Variants in CCDC30 observed in about 807,000 individuals in gnomAD.
CCDC30 encodes coiled-coil domain-containing protein 30.
CCDC30 carries 70 observed loss-of-function variants against 100.2 expected under a neutral mutation model. That is an observed-to-expected ratio of 0.70 (90% CI 0.58 to 0.85). CCDC30 has a LOEUF of 0.85. Among genes scored for constraint, CCDC30 ranks in the 40% least tolerant of loss-of-function variants. The probability of loss-of-function intolerance (pLI) is 0.00; values close to 1 mark genes in which losing one functional copy is unlikely to be tolerated. For missense variants in CCDC30, 652 were observed against 771.2 expected (o/e 0.85, Z 1.83); for synonymous variants, 233 against 269.5 (o/e 0.86, Z 1.33).
chr1:42,518,353 GT>G (rs992383827), intron 6 of CCDC30, among the ~76,000 whole-genome samples: 8 of 152,006 alleles, frequency 5.3e-5, no homozygotes, highest in South Asian at 2.1e-4. Context: ...GCTCTAAGAA[GT>G]TTTTTTGGTG....
intron 8 of CCDC30, among the ~76,000 whole-genome samples, chr1:42,578,937 G>A (rs1409781799): frequency 4.6e-5 from 7 of 152,164 alleles, no homozygotes; most frequent in Non-Finnish European, 1.0e-4. Flanking sequence ...AGGCTACTCT[G>A]CCTATGGGGT....
intron 6 of CCDC30, among the ~76,000 whole-genome samples, chr1:42,552,824 G>A (rs1024903910): frequency 5.3e-5 from 8 of 152,022 alleles, no homozygotes; most frequent in Non-Finnish European, 1.2e-4. Flanking sequence ...CTCTGACACC[G>A]CCCCAGTGGA....
chr1:42,500,062 G>A (rs1393275959), intron 6 of CCDC30: 10 of 810,852 alleles, frequency 1.2e-5, no homozygotes, highest in Admixed American at 7.4e-5. Context: ...GTTGTCAGTA[G>A]TTCTTTGATG....
Position 42,547,833 on chromosome 1 carries a change from G to A in CCDC30, c.457-18463G>A, listed in dbSNP as rs74831982. 1.0e-3 allele frequency among the ~76,000 whole-genome samples: 154 copies of A among 152,258 alleles called. 3 individuals are homozygous for A. The East Asian group carries it at 0.027, about 27-fold the overall frequency. On this transcript the variant is annotated intron_variant, in intron 6 of 16. Transcript: ENST00000668663. The stretch of plus-strand genomic sequence containing the variant: ...GTGTCAGGCACTGTAGGGAGGTACC[G>A]AAGATGTAAAATAAGACACAGTTTC...
chr1:42,458,737 G>T (rs920950249), upstream of CCDC30, among the ~76,000 whole-genome samples: 1 of 152,114 alleles, frequency 6.6e-6, no homozygotes, highest in Middle Eastern at 3.2e-3. Flanking sequence ...ACAGTTTTTA[G>T]TTCTATCTTG....
chr1:42,554,319 C>T (rs1250789310), intron 6 of CCDC30, among the ~76,000 whole-genome samples: 27 of 145,216 alleles, frequency 1.9e-4, no homozygotes, highest in African/African-American at 6.5e-4. Flanking sequence ...CCTCTGTCAT[C>T]CAGGCTGGAG....
chr1:42,546,399 AATATATATATATAT>A (rs66804938), intron 6 of CCDC30, among the ~76,000 whole-genome samples: 11 of 11,970 alleles, frequency 9.2e-4, no homozygotes, highest in South Asian at 2.6e-3. Flanking sequence ...AAAAAAAAAA[AATATATATATATAT>A]ATATATATAT....
At chr1:42,623,231 T>TC (rs1329583878) in intron 11 of CCDC30, among the ~76,000 whole-genome samples, 4 of 152,186 alleles carry the variant, frequency 2.6e-5, no homozygotes, top group African/African-American at 9.7e-5. Flanking sequence ...AGATTTTTTT[T>TC]AACTTGATGT....
At chr1:42,525,013 T>C (rs1440104187) in intron 6 of CCDC30, among the ~76,000 whole-genome samples, 1 of 152,246 alleles carries the variant, frequency 6.6e-6, no homozygotes, top group East Asian at 1.9e-4. Flanking sequence ...CTTGCTTTCA[T>C]AGTTTTTGAC....
intron 11 of CCDC30, among the ~76,000 whole-genome samples, chr1:42,629,849 C>T (rs922054698): frequency 1.3e-5 from 2 of 151,882 alleles, no homozygotes; most frequent in Admixed American, 6.6e-5. Context: ...CTCCTGACCT[C>T]GTGATCCGTC....
rs12048094 is a variant in CCDC30, at chr1:42,599,841, G to A, written c.1164+10358G>A. Among the ~76,000 whole-genome samples, 1,591 of 152,274 alleles carry A rather than the reference G, an allele frequency of 0.01. 72 individuals are homozygous for A. The East Asian group carries it at 0.12, about 11-fold the overall frequency. On this transcript the variant is annotated intron_variant, in intron 10 of 16. Coordinates refer to ENST00000668663, the Ensembl canonical transcript of CCDC30. ...CATGCTGCTATAAAGACATACCTGC[G>A]ACTGGGTAATCTATAAAGAAAAGAG...
intron 6 of CCDC30, among the ~76,000 whole-genome samples, chr1:42,566,012 T>A (rs1359366578): frequency 6.6e-6 from 1 of 152,156 alleles, no homozygotes; most frequent in African/African-American, 2.4e-5. Context: ...AAATTGTCTG[T>A]GCTTCTATCA....
chr1:42,512,374 A>C (rs1227294511), intron 6 of CCDC30, among the ~76,000 whole-genome samples: 2 of 151,954 alleles, frequency 1.3e-5, no homozygotes, highest in African/African-American at 2.4e-5. Context: ...TGCTTTCCTG[A>C]CCAAGGGCAG....
chr1:42,605,138 C>T (rs1317204119), intron 10 of CCDC30, among the ~76,000 whole-genome samples: 2 of 152,116 alleles, frequency 1.3e-5, no homozygotes, highest in Non-Finnish European at 1.5e-5. Flanking sequence ...TAAGCACTGC[C>T]GCTTGACCTC....
chr1:42,500,191 C>T (rs1275791399), intron 6 of CCDC30: 5 of 1,506,396 alleles, frequency 3.3e-6, no homozygotes, highest in African/African-American at 1.4e-5. Context: ...TGCATATTGG[C>T]GGTGCACGCC....
intron 6 of CCDC30, among the ~76,000 whole-genome samples, chr1:42,532,325 C>G (rs1198253448): frequency 6.6e-6 from 1 of 152,110 alleles, no homozygotes; most frequent in Non-Finnish European, 1.5e-5. Context: ...GATGGGAGTC[C>G]TGTGACTTAA....
chr1:42,533,784 C>T (rs1259554738), intron 6 of CCDC30: 1 of 152,280 alleles, frequency 6.6e-6, no homozygotes. Context: ...TAAAACTTGT[C>T]ATACTATGCA....
intron 6 of CCDC30, among the ~76,000 whole-genome samples, chr1:42,559,082 C>A (rs908473071): frequency 6.6e-5 from 10 of 152,144 alleles, no homozygotes; most frequent in Non-Finnish European, 1.5e-5. Flanking sequence ...CCTTTTCAGA[C>A]AAGCAAATGC....
chr1:42,562,930 C>T (rs12040368), intron 6 of CCDC30, among the ~76,000 whole-genome samples: 7,414 of 151,932 alleles, frequency 0.049, 290 homozygotes, highest in East Asian at 0.15. Flanking sequence ...GTCAGAATGG[C>T]GATTATTAAA....
Sources: allele counts gnomAD v4.1 joint callset (sites outside exome capture counted in the v4.1 genomes callset), GRCh38; gene constraint gnomAD v4.1.1; transcripts MANE v1.5; gene names NCBI Gene and HGNC (gene_info 2026-07-23, HGNC 2026-07-21).